Variants in MAD1L1 observed in about 807,000 individuals in gnomAD.
MAD1L1 encodes the protein mitotic spindle assembly checkpoint protein MAD1.
In MAD1L1, 95 loss-of-function variants were observed where a neutral mutation model predicts 96.9. That is an observed-to-expected ratio of 0.98 (90% CI 0.83 to 1.16). MAD1L1 has a LOEUF of 1.16. Among genes scored for constraint, MAD1L1 ranks in the 50% most tolerant of loss-of-function variants. The pLI is 0.00. For missense variants in MAD1L1, 1,007 were observed against 954.4 expected, an observed-to-expected ratio of 1.06 and a Z score of -0.73; for synonymous variants, 473 against 396.6, an observed-to-expected ratio of 1.19 and a Z score of -2.29.
intron 12 of MAD1L1, among the ~76,000 whole-genome samples, chr7:2,050,230 A>G (rs10245160): frequency 6.7e-5 from 10 of 148,934 alleles, no homozygotes; most frequent in Non-Finnish European, 1.3e-4. Flanking sequence ...CTCACCCAGC[A>G]TCTGCGGGCA....
At chr7:1,904,121 G>A (rs1787459604) in intron 17 of MAD1L1, among the ~76,000 whole-genome samples, 1 of 139,632 alleles carries the variant, frequency 7.2e-6, no homozygotes, top group South Asian at 2.4e-4. Flanking sequence ...GATTGATCAA[G>A]CACTGTTCCA....
chr7:2,040,127 G>A (rs1196849945), intron 12 of MAD1L1, among the ~76,000 whole-genome samples: 4 of 152,148 alleles, frequency 2.6e-5, no homozygotes, highest in South Asian at 2.1e-4. Flanking sequence ...GGAATACTAC[G>A]AACAGCTGCA....
intron 10 of MAD1L1, among the ~76,000 whole-genome samples, chr7:2,197,334 C>A (rs1433032505): frequency 6.6e-6 from 1 of 152,174 alleles, no homozygotes; most frequent in Non-Finnish European, 1.5e-5. Flanking sequence ...GAAAACAGCC[C>A]CTGACTTATA....
chr7:2,135,942 C>G (rs969914275), intron 11 of MAD1L1, among the ~76,000 whole-genome samples: 2 of 152,198 alleles, frequency 1.3e-5, no homozygotes, highest in African/African-American at 4.8e-5. Context: ...ACCACGCGGC[C>G]CAACGCTCTC....
chr7:2,032,682 G>A (rs890165420), intron 12 of MAD1L1, among the ~76,000 whole-genome samples: 3 of 152,216 alleles, frequency 2.0e-5, no homozygotes, highest in Non-Finnish European at 4.4e-5. Context: ...CCAGGCTCGA[G>A]GGACCCTGTG....
chr7:2,198,406 C>G (rs533975005), intron 10 of MAD1L1, among the ~76,000 whole-genome samples: 1 of 152,296 alleles, frequency 6.6e-6, no homozygotes, highest in Non-Finnish European at 1.5e-5. Context: ...GTACACACCC[C>G]CCTTCAAGCA....
chr7:1,842,335 C>T (rs1025324334), intron 18 of MAD1L1, among the ~76,000 whole-genome samples: 1 of 152,202 alleles, frequency 6.6e-6, no homozygotes, highest in Non-Finnish European at 1.5e-5. Flanking sequence ...TGTGGAAACC[C>T]AGCAGCTCCC....
At chr7:1,854,542 G>A (rs1337885502) in intron 18 of MAD1L1, among the ~76,000 whole-genome samples, 3 of 151,978 alleles carry the variant, frequency 2.0e-5, no homozygotes, top group African/African-American at 7.3e-5. Context: ...GGACTCTGGG[G>A]TCCCCTCTAT....
intron 18 of MAD1L1, among the ~76,000 whole-genome samples, chr7:1,833,175 A>G (rs1782791796): frequency 6.6e-6 from 1 of 152,250 alleles, no homozygotes; most frequent in Non-Finnish European, 1.5e-5. Context: ...TAGGATAAAC[A>G]TAACTTTTAT....
At chr7:2,030,539 T>G (rs796918950) in intron 12 of MAD1L1, among the ~76,000 whole-genome samples, 2 of 152,322 alleles carry the variant, frequency 1.3e-5, no homozygotes, top group African/African-American at 4.8e-5. Context: ...ACAGCCTTGA[T>G]GTGCAGAGGC....
intron 17 of MAD1L1, among the ~76,000 whole-genome samples, chr7:1,905,552 G>A (rs1479918408): frequency 6.6e-6 from 1 of 151,946 alleles, no homozygotes; most frequent in Non-Finnish European, 1.5e-5. Flanking sequence ...ACGCTCTTGT[G>A]GAACTCATGA....
At chr7:2,191,817 G>C (rs936415688) in intron 10 of MAD1L1, among the ~76,000 whole-genome samples, 1 of 152,072 alleles carries the variant, frequency 6.6e-6, no homozygotes, top group African/African-American at 2.4e-5. Context: ...CGGATCATGA[G>C]GTCAGGAGTT....
At chr7:1,915,015 C>T (rs1484613096) in intron 17 of MAD1L1, among the ~76,000 whole-genome samples, 1 of 152,132 alleles carries the variant, frequency 6.6e-6, no homozygotes, top group Non-Finnish European at 1.5e-5. Context: ...TTTCCAGAGC[C>T]GAGCCCTCCC....
chr7:1,877,036 T>C (rs1736874704), intron 18 of MAD1L1, among the ~76,000 whole-genome samples: 1 of 149,444 alleles, frequency 6.7e-6, no homozygotes, highest in Non-Finnish European at 1.5e-5. Flanking sequence ...ATTTAGAAGA[T>C]AATGTACTCT....
At chr7:2,087,966 T>C (rs1268259609) in intron 11 of MAD1L1, among the ~76,000 whole-genome samples, 1 of 152,104 alleles carries the variant, frequency 6.6e-6, no homozygotes, top group African/African-American at 2.4e-5. Flanking sequence ...GAAGATCCAG[T>C]GAAACTCAGC....
At chr7:2,055,662 CCT>C (rs1784357027) in intron 12 of MAD1L1, among the ~76,000 whole-genome samples, 1 of 130,756 alleles carries the variant, frequency 7.6e-6, no homozygotes, top group Admixed American at 7.7e-5. Context: ...ACAGAGAGAC[CCT>C]GTCTCAAAAA....
chr7:1,984,833 C>T (rs139368014), intron 14 of MAD1L1, among the ~76,000 whole-genome samples: 23 of 152,278 alleles, frequency 1.5e-4, no homozygotes, highest in Admixed American at 3.3e-4. Flanking sequence ...GTTATGCTTT[C>T]GATTTTGTAG....
chr7:2,011,634 G>A (rs1254744820), intron 13 of MAD1L1, among the ~76,000 whole-genome samples: 2 of 152,216 alleles, frequency 1.3e-5, no homozygotes, highest in African/African-American at 2.4e-5. Context: ...GGAGGAAAGA[G>A]CTGACGCGGA....
chr7:2,080,570 T>C (rs959511092), intron 11 of MAD1L1, among the ~76,000 whole-genome samples: 3 of 84,720 alleles, frequency 3.5e-5, no homozygotes, highest in African/African-American at 1.4e-4. Context: ...CACAGGCCTC[T>C]GGTAGGAAGC....
Sources: allele counts gnomAD v4.1 joint callset (sites outside exome capture counted in the v4.1 genomes callset), GRCh38; gene constraint gnomAD v4.1.1; transcripts MANE v1.5; gene names NCBI Gene and HGNC (gene_info 2026-07-23, HGNC 2026-07-21).